HCN1: variants seen among roughly 807,000 people sequenced by gnomAD.
The protein encoded by HCN1 is potassium/sodium hyperpolarization-activated cyclic nucleotide-gated channel 1.
A neutral mutation model predicts 78.9 loss-of-function variants in HCN1; 13 were observed. The ratio of observed to expected loss-of-function variants is 0.16; its 90% confidence interval spans 0.11 to 0.26. The LOEUF (loss-of-function observed/expected upper bound fraction) is 0.26. HCN1 is among the 10% of genes least tolerant of loss of function. The pLI, the probability that HCN1 is intolerant of heterozygous loss-of-function variation, is 1.00. For missense variants in HCN1, 810 were observed against 1,154.3 expected (o/e 0.70, Z 4.32); for synonymous variants, 552 against 455.5 (o/e 1.21, Z -2.70).
At chr5:45,266,025 G>T (rs751251128) in intron 7 of HCN1, among the ~76,000 whole-genome samples, 1 of 152,132 alleles carries the variant, frequency 6.6e-6, no homozygotes, top group Non-Finnish European at 1.5e-5. Context: ...CCAAAAAAAA[G>T]TAGAGAAGGG....
At chr5:45,691,559 G>C (rs141927930) in intron 1 of HCN1, among the ~76,000 whole-genome samples, 1 of 152,128 alleles carries the variant, frequency 6.6e-6, no homozygotes, top group East Asian at 1.9e-4. Flanking sequence ...GCACAAAAAG[G>C]TTCACCTAAC....
At chr5:45,670,788 T>C (rs1005016803) in intron 1 of HCN1, among the ~76,000 whole-genome samples, 2 of 151,684 alleles carry the variant, frequency 1.3e-5, no homozygotes, top group African/African-American at 4.8e-5. Context: ...GGCCAACACA[T>C]AGACTAACAT....
intron 2 of HCN1, among the ~76,000 whole-genome samples, chr5:45,464,452 T>C (rs1329035054): frequency 1.3e-5 from 2 of 152,124 alleles, no homozygotes; most frequent in African/African-American, 4.8e-5. Flanking sequence ...AGAACTCACA[T>C]AATTAATTTT....
At chr5:45,523,900 A>G (rs1407492403) in intron 2 of HCN1, among the ~76,000 whole-genome samples, 1 of 152,100 alleles carries the variant, frequency 6.6e-6, no homozygotes, top group Non-Finnish European at 1.5e-5. Flanking sequence ...TTTTGTTGCC[A>G]TTGCTTTTGG....
At position 45,323,709 on chromosome 5, in the gene HCN1, T is replaced by A. The variant is rs1746174395; in HGVS notation, c.1378-19870A>T. 2.0e-5 allele frequency among the ~76,000 whole-genome samples: 3 copies of A among 152,034 alleles called. No individual in the cohort carries two copies. In the Middle Eastern group the frequency reaches 0.01, roughly 517 times the overall value. ...TAGGTATATCTCCTAATGCTATCCC[T>A]CCCCCATCCCCCAACCCCACGACAG... On this transcript the variant is annotated intron_variant, in intron 5 of 7. Transcript: ENST00000303230.
rs935134467 is a variant in HCN1 at position 45,258,249 on chromosome 5, C to T, written c.*3672G>A. On this transcript the variant is annotated 3_prime_UTR_variant, in exon 8 of 8. Coordinates refer to ENST00000303230, the MANE Select transcript of HCN1 (RefSeq NM_021072.4). ...CTCATAATTTGAAGTAGACATAATT[C>T]AGGATTTGAAATAAATCATCTAAAA... The T allele has an allele frequency of 1.3e-5, 2 of 152,050 alleles. No individual in the cohort carries two copies. The highest frequency in any genetic ancestry group is 2.9e-5 in the Non-Finnish European group (2 of 68,004). The allele number at this position is 152,050 out of a possible 1,614,324, so 9.4% of individuals were successfully genotyped here. A position where few individuals can be genotyped will look rare whatever the true frequency, so the allele number is the denominator to read the frequency against.
intron 2 of HCN1, among the ~76,000 whole-genome samples, chr5:45,537,521 G>GTATT (rs1381285677): frequency 3.5e-5 from 1 of 28,842 alleles, no homozygotes; most frequent in African/African-American, 9.1e-5. Flanking sequence ...GCAACTCTAA[G>GTATT]TCTTTTTTTT....
intron 1 of HCN1, among the ~76,000 whole-genome samples, chr5:45,691,177 A>G (rs538903802): frequency 2.0e-5 from 3 of 152,186 alleles, no homozygotes; most frequent in Admixed American, 1.3e-4. Flanking sequence ...TAAGTAATAT[A>G]TCTTTCCAGT....
intron 4 of HCN1, among the ~76,000 whole-genome samples, chr5:45,383,095 AAG>A (rs1209819893): frequency 6.6e-6 from 1 of 152,188 alleles, no homozygotes; most frequent in Non-Finnish European, 1.5e-5. Flanking sequence ...ATGAGTCTCT[AAG>A]AGACTATAAA....
At chr5:45,549,287 A>G (rs1743305789) in intron 2 of HCN1, among the ~76,000 whole-genome samples, 1 of 152,174 alleles carries the variant, frequency 6.6e-6, no homozygotes, top group Admixed American at 6.5e-5. Flanking sequence ...TGGTACTGGT[A>G]CCAAAACAGA....
intron 2 of HCN1, among the ~76,000 whole-genome samples, chr5:45,560,830 T>C (rs1743583446): frequency 6.6e-6 from 1 of 152,108 alleles, no homozygotes; most frequent in Non-Finnish European, 1.5e-5. Flanking sequence ...ATATTTTCTT[T>C]AAAGATTCAT....
chr5:45,544,128 G>C (rs1408527765), intron 2 of HCN1, among the ~76,000 whole-genome samples: 1 of 152,048 alleles, frequency 6.6e-6, no homozygotes, highest in Non-Finnish European at 1.5e-5. Flanking sequence ...TTAGCATTCT[G>C]AGGAATAAAA....
chr5:45,298,902 A>C (rs768310248), intron 6 of HCN1, among the ~76,000 whole-genome samples: 1 of 152,018 alleles, frequency 6.6e-6, no homozygotes, highest in African/African-American at 2.4e-5. Flanking sequence ...GCAATAAGAT[A>C]TATTCATAGC....
At chr5:45,505,915 C>A (rs1313263215) in intron 2 of HCN1, among the ~76,000 whole-genome samples, 2 of 152,030 alleles carry the variant, frequency 1.3e-5, no homozygotes, top group African/African-American at 2.4e-5. Flanking sequence ...GCTAATCAAG[C>A]TTGCCTCAAT....
At chr5:45,266,704 A>ACTT (rs1554014620) in intron 7 of HCN1, among the ~76,000 whole-genome samples, 3 of 136,634 alleles carry the variant, frequency 2.2e-5, no homozygotes, top group African/African-American at 2.7e-5. Flanking sequence ...GGCATGTGGG[A>ACTT]TTTTTTTTTT....
At chr5:45,328,510 G>A (rs1271288552) in intron 5 of HCN1, among the ~76,000 whole-genome samples, 1 of 151,428 alleles carries the variant, frequency 6.6e-6, no homozygotes, top group Non-Finnish European at 1.5e-5. Context: ...ACATTTATTT[G>A]GAGAAGTCAG....
chr5:45,450,777 AAAAT>A (rs1252886298), intron 3 of HCN1, among the ~76,000 whole-genome samples: 7 of 152,198 alleles, frequency 4.6e-5, no homozygotes, highest in African/African-American at 1.2e-4. Flanking sequence ...GTAGCTCAGG[AAAAT>A]AAATAGTGTT....
intron 1 of HCN1, among the ~76,000 whole-genome samples, chr5:45,668,631 T>C (rs751132958): frequency 3.3e-5 from 5 of 151,918 alleles, no homozygotes; most frequent in Non-Finnish European, 7.4e-5. Flanking sequence ...TTACTGAAAA[T>C]GCATAAGATT....
intron 3 of HCN1, among the ~76,000 whole-genome samples, chr5:45,423,087 T>C (rs1010258825): frequency 6.6e-6 from 1 of 152,198 alleles, no homozygotes; most frequent in African/African-American, 2.4e-5. Context: ...CATGAGGTGA[T>C]GGATATTCCA....
Sources: gnomAD v4.1 joint callset for allele counts (sites outside exome capture counted in the v4.1 genomes callset) on GRCh38, gnomAD v4.1.1 for gene constraint, MANE v1.5 for transcripts, NCBI Gene and HGNC (gene_info 2026-07-23, HGNC 2026-07-21) for gene names.